IRAG2: variants seen among roughly 807,000 people sequenced by gnomAD.
IRAG2 encodes inositol 1,4,5-triphosphate receptor associated 2, also known as lymphoid restricted membrane protein.
A neutral mutation model predicts 69.9 loss-of-function variants in IRAG2; 45 were observed. The ratio of observed to expected loss-of-function variants is 0.64; its 90% confidence interval spans 0.51 to 0.83. The LOEUF (loss-of-function observed/expected upper bound fraction) is 0.83, where lower values mean the gene tolerates loss of function less well. Ranked by LOEUF, IRAG2 falls within the 40% of genes least tolerant of loss-of-function variation. IRAG2 has a pLI of 0.00. For synonymous variants in IRAG2, 193 were observed against 202.4 expected (o/e 0.95, Z 0.40); for missense variants, 520 against 587.0 (o/e 0.89, Z 1.18).
chr12:25,024,426 G>A (rs1215966970), intron 8 of IRAG2, among the ~76,000 whole-genome samples: 8 of 152,124 alleles, frequency 5.3e-5, no homozygotes, highest in Middle Eastern at 6.3e-3. Flanking sequence ...GCTTATAAAT[G>A]TTAGGAAATA....
chr12:25,040,784 C>G (rs867551106), intron 16 of IRAG2, among the ~76,000 whole-genome samples: 1 of 152,142 alleles, frequency 6.6e-6, no homozygotes, highest in Non-Finnish European at 1.5e-5. Context: ...TTGATTCGTA[C>G]GACATCCGTC....
intron 11 of IRAG2, among the ~76,000 whole-genome samples, chr12:25,089,214 CTAT>C (rs1255957163): frequency 7.2e-5 from 11 of 152,198 alleles, no homozygotes; most frequent in Admixed American, 6.5e-4. Context: ...ATTATTACTA[CTAT>C]TATTATTACT....
At chr12:25,048,317 GTC>G (rs1944813919), upstream of IRAG2, among the ~76,000 whole-genome samples, 1 of 151,912 alleles carries the variant, frequency 6.6e-6, no homozygotes, top group African/African-American at 2.4e-5. Flanking sequence ...TTTTGAGACA[GTC>G]TCTCTCTGTT....
Position 25,077,231 on chromosome 12 carries a change from T to A in IRAG2, c.25-2013T>A, listed in dbSNP as rs200297707. On this transcript the variant is annotated intron_variant, in intron 6 of 21. Transcript: ENST00000556887. ...TATGATATATATGAAATATATATGA[T>A]ATATATATGAAATATATATATGATA... Among the ~76,000 whole-genome samples, 36 of 45,474 alleles carry A rather than the reference T, an allele frequency of 7.9e-4. 1 individual carries two copies. Among genetic ancestry groups the A allele is most frequent in the Non-Finnish European group, 1.2e-3 (24 of 20,850 alleles). 29.8% of individuals were successfully genotyped at this position (45,474 alleles called of 152,430 possible).
chr12:25,034,277 G>A (rs942130817), intron 13 of IRAG2, among the ~76,000 whole-genome samples: 1 of 152,136 alleles, frequency 6.6e-6, no homozygotes, highest in Non-Finnish European at 1.5e-5. Flanking sequence ...AGATATCCAT[G>A]AGTTATTTTT....
chr12:25,060,325 T>G (rs1459485873), intron 1 of IRAG2, among the ~76,000 whole-genome samples: 1 of 152,200 alleles, frequency 6.6e-6, no homozygotes, highest in Admixed American at 6.6e-5. Flanking sequence ...AATATGTTAT[T>G]ATGTACATCA....
chr12:25,094,773 G>A (rs946156118), intron 14 of IRAG2, among the ~76,000 whole-genome samples: 21 of 151,798 alleles, frequency 1.4e-4, no homozygotes, highest in East Asian at 1.2e-3. Context: ...TGTGGTTTTC[G>A]GTGTACATCT....
At chr12:25,098,444 C>A (rs1948553131) in intron 15 of IRAG2, among the ~76,000 whole-genome samples, 1 of 152,156 alleles carries the variant, frequency 6.6e-6, no homozygotes, top group African/African-American at 2.4e-5. Flanking sequence ...ACAAAGCCTC[C>A]CAGCGTGTGA....
At chr12:25,050,151 T>TA (rs970452590), upstream of IRAG2, among the ~76,000 whole-genome samples, 19 of 146,218 alleles carry the variant, frequency 1.3e-4, no homozygotes, top group Middle Eastern at 3.8e-3. Context: ...AAAAAACAAA[T>TA]AAAAAAAAGT....
intron 16 of IRAG2, among the ~76,000 whole-genome samples, chr12:25,042,001 G>A (rs1204437418): frequency 1.3e-5 from 2 of 151,486 alleles, no homozygotes; most frequent in Non-Finnish European, 2.9e-5. Flanking sequence ...GTATGTGTAT[G>A]TGTGTTTGTT....
chr12:25,094,764 G>A (rs1475439414), intron 14 of IRAG2, among the ~76,000 whole-genome samples: 4 of 151,808 alleles, frequency 2.6e-5, no homozygotes, highest in Non-Finnish European at 4.4e-5. Flanking sequence ...GAAATGTTTT[G>A]TGGTTTTCGG....
At chr12:25,046,865 C>A (rs1350832839) in intron 16 of IRAG2, among the ~76,000 whole-genome samples, 1 of 152,084 alleles carries the variant, frequency 6.6e-6, no homozygotes. Flanking sequence ...CCCTGAATAG[C>A]TGAAAACAAT....
chr12:25,022,681 T>C (rs1565528275), intron 7 of IRAG2, among the ~76,000 whole-genome samples: 1 of 152,184 alleles, frequency 6.6e-6, no homozygotes, highest in African/African-American at 2.4e-5. Context: ...AATAGAGCAA[T>C]AAAGTCCAGA....
intron 8 of IRAG2, among the ~76,000 whole-genome samples, chr12:25,024,569 G>A (rs1944608042): frequency 1.3e-5 from 2 of 152,212 alleles, no homozygotes; most frequent in Admixed American, 6.5e-5. Context: ...GACACCATTT[G>A]AATATCAAGT....
At chr12:25,079,538 G>T in intron 8 of IRAG2, 76 bp downstream of exon 8, 2 of 1,393,174 alleles carry the variant, frequency 1.4e-6, no homozygotes, top group Admixed American at 3.4e-5. Flanking sequence ...GTGACCTGCT[G>T]GGGTGTGAGC....
chr12:25,041,821 C>G (rs1409296321), intron 16 of IRAG2, among the ~76,000 whole-genome samples: 1 of 150,826 alleles, frequency 6.6e-6, no homozygotes, highest in Non-Finnish European at 1.5e-5. Context: ...AAGAGGTTTT[C>G]AACAACAGAT....
At chr12:25,050,548 C>CA (rs1282504216), upstream of IRAG2, among the ~76,000 whole-genome samples, 26 of 74,240 alleles carry the variant, frequency 3.5e-4, 1 homozygote, top group African/African-American at 1.2e-3. Flanking sequence ...AACAAACAAA[C>CA]AAACAAAAAA....
chr12:25,065,412 C>T (rs1044530848), intron 4 of IRAG2, among the ~76,000 whole-genome samples: 8 of 152,054 alleles, frequency 5.3e-5, no homozygotes, highest in African/African-American at 1.4e-4. Context: ...TTCTATTAAA[C>T]TCTGCTGCTT....
chr12:25,066,390 A>C lies in IRAG2; in HGVS notation c.-181A>C, dbSNP rs1591986078. On this transcript the variant is annotated 5_prime_UTR_variant, in exon 5 of 22. Coordinates refer to ENST00000556887, the MANE Select transcript of IRAG2 (RefSeq NM_001366544.2). ...ATGCCTTATCTCTGGATAGTTTTAC[A>C]GCAGTTCCAACCCTGGAATCAACAC... 1 of 401,146 alleles carries C rather than the reference A, an allele frequency of 2.5e-6. No individual in the cohort carries two copies. The highest frequency in any genetic ancestry group is 3.1e-4 in the Middle Eastern group (1 of 3,220). The allele number at this position is 401,146 out of a possible 1,614,324, so 24.8% of individuals were successfully genotyped here. A position where few individuals can be genotyped will look rare whatever the true frequency, so the allele number is the denominator to read the frequency against.
Sources: gnomAD v4.1 joint callset for allele counts (sites outside exome capture counted in the v4.1 genomes callset) on GRCh38, gnomAD v4.1.1 for gene constraint, MANE v1.5 for transcripts, NCBI Gene and HGNC (gene_info 2026-07-23, HGNC 2026-07-21) for gene names.